Variants in ASXL2 observed in about 807,000 individuals in gnomAD.
ASXL2 encodes ASXL transcriptional regulator 2, also known as putative Polycomb group protein ASXL2.
In ASXL2, 23 loss-of-function variants were observed where a neutral mutation model predicts 122.0. That is an observed-to-expected ratio of 0.19 (90% CI 0.14 to 0.27). ASXL2 has a LOEUF of 0.27. Ranked by LOEUF, ASXL2 falls within the 10% of genes least tolerant of loss-of-function variation. The pLI, the probability that ASXL2 is intolerant of heterozygous loss-of-function variation, is 1.00. For synonymous variants in ASXL2, 650 were observed against 637.0 expected (o/e 1.02, Z -0.31); for missense variants, 1,518 against 1,713.8 (o/e 0.89, Z 2.02).
intron 5 of ASXL2, among the ~76,000 whole-genome samples, chr2:25,778,289 T>C (rs1227413292): frequency 6.6e-6 from 1 of 152,174 alleles, no homozygotes; most frequent in Non-Finnish European, 1.5e-5. Context: ...AAGAGATGCA[T>C]AAGGGAAGAC....
intron 1 of ASXL2, among the ~76,000 whole-genome samples, chr2:25,846,147 G>C (rs1269250451): frequency 2.6e-5 from 4 of 152,208 alleles, no homozygotes; most frequent in Non-Finnish European, 5.9e-5. Flanking sequence ...GGCAGAAAGT[G>C]CTCCAAGAGA....
In ASXL2 at chr2:25,738,215, A is replaced by G. The variant is rs1380735169; in HGVS notation, c.*3814T>C. On this transcript the variant is annotated 3_prime_UTR_variant, in exon 13 of 13. Transcript: ENST00000435504. ...ACTTAAAATATATTACTGGAAAGCT[A>G]TTTTTAAAATTGATCTTCAATAGTT... 6.6e-6 allele frequency: 1 copy of G among 152,198 alleles called. No homozygotes were observed. Among genetic ancestry groups the G allele is most frequent in the African/African-American group, 2.4e-5 (1 of 41,444 alleles). The allele number at this position is 152,198 out of a possible 1,614,324, so 9.4% of individuals were successfully genotyped here.
At chr2:25,855,937 A>G (rs1416293011) in intron 1 of ASXL2, among the ~76,000 whole-genome samples, 1 of 149,830 alleles carries the variant, frequency 6.7e-6, no homozygotes, top group Non-Finnish European at 1.5e-5. Flanking sequence ...TCTGTCGGCC[A>G]GGCTGCAGTG....
Position 25,851,025 on chromosome 2 carries a change from G to A in ASXL2, c.58-5462C>T, listed in dbSNP as rs1339542862. Among the ~76,000 whole-genome samples the A allele has an allele frequency of 2.0e-5, 3 of 151,890 alleles. No homozygotes were observed. In the East Asian group the frequency reaches 5.8e-4, roughly 29 times the overall value. ...GTGGGGGCGCATGCCTGTAATCCCA[G>A]CTACTCCGAAGGCTGAGGCAGGAGG... On this transcript the variant is annotated intron_variant, in intron 1 of 12. Transcript: ENST00000435504.
chr2:25,784,469 ATG>A (rs2088706666), intron 5 of ASXL2, among the ~76,000 whole-genome samples: 1 of 152,240 alleles, frequency 6.6e-6, no homozygotes, highest in Admixed American at 6.5e-5. Flanking sequence ...TTTACTCCCT[ATG>A]TTAATTCCCC....
At chr2:25,760,251 T>C (rs930644146) in intron 8 of ASXL2, among the ~76,000 whole-genome samples, 2 of 149,996 alleles carry the variant, frequency 1.3e-5, no homozygotes, top group African/African-American at 4.9e-5. Flanking sequence ...TGACAAAAGG[T>C]TGCTCTTCTT....
intron 3 of ASXL2, among the ~76,000 whole-genome samples, chr2:25,821,713 T>C (rs555877010): frequency 6.6e-6 from 1 of 152,310 alleles, no homozygotes; most frequent in Non-Finnish European, 1.5e-5. Context: ...ACTTGATCAC[T>C]TGACTAACCA....
At chr2:25,833,695 C>CA (rs35746015) in intron 3 of ASXL2, among the ~76,000 whole-genome samples, 7,792 of 140,766 alleles carry the variant, frequency 0.055, 275 homozygotes, top group African/African-American at 0.1. Flanking sequence ...GACCCTGTCT[C>CA]AAAAAAAAAA....
At chr2:25,754,854 CA>C (rs2088107098) in intron 10 of ASXL2, among the ~76,000 whole-genome samples, 1 of 151,540 alleles carries the variant, frequency 6.6e-6, no homozygotes, top group African/African-American at 2.4e-5. Flanking sequence ...GGTCTCTGCC[CA>C]AAAATATCTG....
rs1244861502 is a variant in ASXL2 at position 25,837,242 on chromosome 2, A to T, written c.141-1702T>A. On this transcript the variant is annotated intron_variant, in intron 2 of 12. Coordinates refer to ENST00000435504, the MANE Select transcript of ASXL2 (RefSeq NM_018263.6). ...TATTGTATATCTAGCCTAAGCACAG[A>T]AGTAGTAATGAGTAGTTACAGTAAA... Among the ~76,000 whole-genome samples the T allele has an allele frequency of 2.6e-5, 4 of 152,332 alleles. No homozygotes were observed. The East Asian group carries it at 7.7e-4, about 29-fold the overall frequency.
chr2:25,737,630 C>T lies in ASXL2; in HGVS notation c.*4399G>A, dbSNP rs762026228. The T allele has an allele frequency of 1.3e-5, 2 of 152,146 alleles. No individual in the cohort carries two copies. The highest frequency in any genetic ancestry group is 2.1e-4 in the South Asian group (1 of 4,834). The allele number at this position is 152,146 out of a possible 1,614,324, so 9.4% of individuals were successfully genotyped here. On this transcript the variant is annotated 3_prime_UTR_variant, in exon 13 of 13. Transcript: ENST00000435504. ...GGCAGTAACTGAGGACTCTTACCCA[C>T]GCCACTCTCAGATGTATGTTAAACC...
intron 1 of ASXL2, among the ~76,000 whole-genome samples, chr2:25,873,572 G>A (rs916257774): frequency 7.3e-5 from 11 of 151,252 alleles, no homozygotes; most frequent in Non-Finnish European, 1.6e-4. Context: ...AGTGACAAAA[G>A]TTTTAAGTGA....
chr2:25,779,741 T>C (rs1298908173), intron 5 of ASXL2, among the ~76,000 whole-genome samples: 1 of 152,268 alleles, frequency 6.6e-6, no homozygotes, highest in African/African-American at 2.4e-5. Flanking sequence ...ATTACTTTCA[T>C]ATAAGTCTAG....
Position 25,737,313 on chromosome 2 carries a change from A to T in ASXL2, c.*4716T>A, listed in dbSNP as rs189533294. The T allele has an allele frequency of 4.6e-5, 7 of 152,246 alleles. No homozygotes were observed. The highest frequency in any genetic ancestry group is 7.2e-5 in the African/African-American group (3 of 41,570). The allele number at this position is 152,246 out of a possible 1,614,324, so 9.4% of individuals were successfully genotyped here. ...GCAGTAAATGTCAACCACTGTGGAG[A>T]AAGGAAAACCTATTTTTTCCCCCGA... is the stretch of plus-strand genomic sequence containing the variant. On this transcript the variant is annotated 3_prime_UTR_variant, in exon 13 of 13. Transcript: ENST00000435504.
chr2:25,834,429 A>G (rs1029580130), intron 3 of ASXL2, among the ~76,000 whole-genome samples: 5 of 152,080 alleles, frequency 3.3e-5, no homozygotes, highest in Non-Finnish European at 7.4e-5. Flanking sequence ...AACAAAATAT[A>G]CCTATTTTAT....
intron 9 of ASXL2, among the ~76,000 whole-genome samples, chr2:25,757,404 C>T (rs541867724): frequency 3.3e-5 from 5 of 149,978 alleles, no homozygotes; most frequent in Admixed American, 2.0e-4. Context: ...TTTGGGAGGC[C>T]GAGGCAGGTG....
intron 1 of ASXL2, among the ~76,000 whole-genome samples, chr2:25,851,123 G>A (rs1175822953): frequency 6.7e-6 from 1 of 149,638 alleles, no homozygotes; most frequent in African/African-American, 2.5e-5. Flanking sequence ...TCCAGCCTGG[G>A]CAACAAGAGC....
intron 1 of ASXL2, among the ~76,000 whole-genome samples, chr2:25,867,242 A>C (rs116269571): frequency 0.017 from 2,547 of 152,158 alleles, 30 homozygotes; most frequent in Non-Finnish European, 0.025. Context: ...TATCTAAAAA[A>C]AAATGAGAAT....
At chr2:25,816,942 T>C (rs1480488561) in intron 3 of ASXL2, among the ~76,000 whole-genome samples, 2 of 152,156 alleles carry the variant, frequency 1.3e-5, no homozygotes, top group African/African-American at 4.8e-5. Flanking sequence ...CTGGCCAACA[T>C]GGTGAAACCC....
Sources: allele counts gnomAD v4.1 joint callset (sites outside exome capture counted in the v4.1 genomes callset), GRCh38; gene constraint gnomAD v4.1.1; transcripts MANE v1.5; gene names NCBI Gene and HGNC (gene_info 2026-07-23, HGNC 2026-07-21).